MEGF11: variants seen among roughly 807,000 people sequenced by gnomAD.
MEGF11 encodes multiple EGF like domains 11.
Under a neutral mutation model 146.6 loss-of-function variants are expected in MEGF11, and 126 were observed. The ratio of observed to expected loss-of-function variants is 0.86; its 90% confidence interval spans 0.74 to 1.00. The LOEUF is 1.00. Among genes scored for constraint, MEGF11 ranks in the 50% least tolerant of loss-of-function variants. MEGF11 has a pLI of 0.00. For synonymous variants in MEGF11, 532 were observed against 583.4 expected (o/e 0.91, Z 1.27); for missense variants, 1,509 against 1,521.2 (o/e 0.99, Z 0.13).
intron 1 of MEGF11, among the ~76,000 whole-genome samples, chr15:66,139,844 A>T (rs1345732206): frequency 6.6e-6 from 1 of 152,220 alleles, no homozygotes; most frequent in Non-Finnish European, 1.5e-5. Flanking sequence ...TCAGAGAGGC[A>T]AGGCAGGTTA....
rs891887084 is a variant in MEGF11 at position 66,102,804 on chromosome 15, C to T, written c.302-8310G>A. On this transcript the variant is annotated intron_variant, in intron 4 of 25. Coordinates refer to ENST00000395614, the MANE Select transcript of MEGF11 (RefSeq NM_001385028.1). ...TCCACCTCCCAACTCTATGCTTATA[C>T]ACCCAGGGTTCCTTCCCAGAACTGA... 2.0e-5 allele frequency among the ~76,000 whole-genome samples: 3 copies of T among 152,200 alleles called. 1 individual carries two copies. The highest frequency in any genetic ancestry group is 4.8e-5 in the African/African-American group (2 of 41,442).
chr15:65,998,932 A>G (rs1677838525), intron 5 of MEGF11, among the ~76,000 whole-genome samples: 1 of 152,120 alleles, frequency 6.6e-6, no homozygotes, highest in South Asian at 2.1e-4. Context: ...TTTGGAGGGA[A>G]TCTAATGACC....
chr15:65,902,752 C>G (rs923765415), intron 24 of MEGF11, among the ~76,000 whole-genome samples: 1 of 152,192 alleles, frequency 6.6e-6, no homozygotes, highest in African/African-American at 2.4e-5. Flanking sequence ...CCTGTAATGC[C>G]CTGGCATTTG....
chr15:66,190,831 A>G (rs143246670), intron 1 of MEGF11, among the ~76,000 whole-genome samples: 101 of 152,288 alleles, frequency 6.6e-4, no homozygotes, highest in African/African-American at 2.3e-3. Flanking sequence ...GGAAGGGCCT[A>G]ATTTGCATGT....
intron 1 of MEGF11, among the ~76,000 whole-genome samples, chr15:66,162,367 T>A (rs1408698175): frequency 1.3e-5 from 2 of 152,214 alleles, no homozygotes; most frequent in African/African-American, 4.8e-5. Flanking sequence ...AATATAAACA[T>A]TAGTTTGACT....
intron 8 of MEGF11, among the ~76,000 whole-genome samples, chr15:65,966,671 C>T (rs2081109877): frequency 6.6e-6 from 1 of 152,124 alleles, no homozygotes. Flanking sequence ...GCCTGTGAGC[C>T]CCTAAGGAGG....
intron 5 of MEGF11, among the ~76,000 whole-genome samples, chr15:66,071,539 C>T (rs550720069): frequency 7.2e-5 from 11 of 152,326 alleles, no homozygotes; most frequent in South Asian, 6.2e-4. Flanking sequence ...CTCATTTCAA[C>T]GGCAGACCGG....
At chr15:65,916,380 G>T in intron 17 of MEGF11, 104 bp from the exon 18 acceptor site, 1 of 1,381,798 alleles carries the variant, frequency 7.2e-7, no homozygotes, top group African/African-American at 1.4e-5. Context: ...CTGAGCATGG[G>T]ATGAAGACTA....
intron 1 of MEGF11, among the ~76,000 whole-genome samples, chr15:66,253,266 C>A (rs1265876902): frequency 6.6e-6 from 1 of 152,172 alleles, no homozygotes; most frequent in Admixed American, 6.5e-5. Flanking sequence ...ACACCCGCGC[C>A]GCGCCACTGC....
At chr15:66,211,996 A>AAGAGAAGAGAG (rs2091467543) in intron 1 of MEGF11, among the ~76,000 whole-genome samples, 1 of 256 alleles carries the variant, frequency 3.9e-3, no homozygotes, top group Non-Finnish European at 7.4e-3. Flanking sequence ...ATTTCTCTCA[A>AAGAGAAGAGAG]AAGCATTTAG....
At chr15:66,067,980 G>T (rs1255452738) in intron 5 of MEGF11, among the ~76,000 whole-genome samples, 9 of 152,186 alleles carry the variant, frequency 5.9e-5, no homozygotes, top group African/African-American at 2.2e-4. Context: ...TACTAGCTGT[G>T]TGGCCTGAAG....
chr15:66,002,060 G>C (rs333545), intron 5 of MEGF11, among the ~76,000 whole-genome samples: 147,882 of 152,104 alleles, frequency 0.97, 72,034 homozygotes, highest in Middle Eastern at 1. Context: ...CAACCCCAAG[G>C]AAGTTGTTGG....
chr15:65,903,998 A>C (rs1446561867), intron 24 of MEGF11, among the ~76,000 whole-genome samples: 1 of 152,182 alleles, frequency 6.6e-6, no homozygotes. Flanking sequence ...CCTCGCCTGC[A>C]CTCAGAGGTC....
At chr15:66,032,213 T>G (rs2083548099) in intron 5 of MEGF11, among the ~76,000 whole-genome samples, 2 of 152,244 alleles carry the variant, frequency 1.3e-5, no homozygotes, top group Non-Finnish European at 2.9e-5. Context: ...GCTCTTGAAC[T>G]TCCCAGCCTC....
At chr15:65,954,305 C>T (rs944128894) in intron 10 of MEGF11, among the ~76,000 whole-genome samples, 1 of 152,148 alleles carries the variant, frequency 6.6e-6, no homozygotes, top group Non-Finnish European at 1.5e-5. Flanking sequence ...CATCTTGAGG[C>T]GAGTCTCTGC....
At chr15:66,127,839 AC>A (rs60198907) in intron 2 of MEGF11, among the ~76,000 whole-genome samples, 52,517 of 143,254 alleles carry the variant, frequency 0.37, 9,335 homozygotes, top group Admixed American at 0.42. Context: ...AAGTAGTGGG[AC>A]CCCCTCACCC....
Position 65,952,018 on chromosome 15 carries a change from T to A in MEGF11, c.1287+5529A>T, listed in dbSNP as rs190772784. 2.9e-3 allele frequency among the ~76,000 whole-genome samples: 446 copies of A among 152,282 alleles called. 3 individuals are homozygous for A. The highest frequency in any genetic ancestry group is 0.02 in the Admixed American group (301 of 15,302). On this transcript the variant is annotated intron_variant, in intron 10 of 25. Coordinates refer to ENST00000395614, the MANE Select transcript of MEGF11 (RefSeq NM_001385028.1). ...CCCTATCTCTAAAAAAAATTTTTTT[T>A]AAAGATATTTTGAGAGGCCACATTC...
chr15:66,202,552 C>A (rs1005726169), intron 1 of MEGF11, among the ~76,000 whole-genome samples: 8 of 152,184 alleles, frequency 5.3e-5, no homozygotes, highest in African/African-American at 1.7e-4. Context: ...GTGGCCCTGG[C>A]CCCAGCACAC....
At chr15:66,027,249 G>A (rs1244176885) in intron 5 of MEGF11, among the ~76,000 whole-genome samples, 2 of 152,194 alleles carry the variant, frequency 1.3e-5, no homozygotes, top group Non-Finnish European at 2.9e-5. Context: ...TTCAAATCCC[G>A]ACTTTACCCC....
Sources: allele counts gnomAD v4.1 joint callset (sites outside exome capture counted in the v4.1 genomes callset), GRCh38; gene constraint gnomAD v4.1.1; transcripts MANE v1.5; gene names NCBI Gene and HGNC (gene_info 2026-07-23, HGNC 2026-07-21).